The following HTR2C variants were observed in gnomAD, a reference collection of about 807,000 sequenced individuals.
The protein encoded by HTR2C is 5-hydroxytryptamine receptor 2C, also known as 5-hydroxytryptamine (serotonin) receptor 2C, G protein-coupled.
HTR2C carries 5 observed loss-of-function variants against 21.0 expected under a neutral mutation model. That is an observed-to-expected ratio of 0.24 (90% CI 0.12 to 0.50). The LOEUF is 0.50. HTR2C is among the 20% of genes least tolerant of loss of function. HTR2C has a pLI of 0.98. For missense variants in HTR2C, 271 were observed against 371.2 expected (o/e 0.73, Z 2.22); for synonymous variants, 150 against 145.3 (o/e 1.03, Z -0.23).
intron 1 of HTR2C, among the ~76,000 whole-genome samples, chrX:114,606,676 G>A (rs1928449736): frequency 8.9e-6 from 1 of 111,916 alleles, no homozygotes; most frequent in African/African-American, 3.3e-5. Flanking sequence ...TGTTCCTTGG[G>A]CTGGTCGGTC....
At chrX:114,772,006 G>A (rs2070008800) in intron 4 of HTR2C, among the ~76,000 whole-genome samples, 1 of 112,390 alleles carries the variant, frequency 8.9e-6, no homozygotes, top group Non-Finnish European at 1.9e-5. Context: ...TTACTGTGGT[G>A]AGAGGGGAAT....
chrX:114,754,174 G>A (rs1234935906), intron 4 of HTR2C, among the ~76,000 whole-genome samples: 1 of 93,091 alleles, frequency 1.1e-5, no homozygotes, highest in Non-Finnish European at 2.3e-5. Flanking sequence ...CTGAGGTACT[G>A]GGGTTAGGAC....
chrX:114,668,642 C>T (rs782732297), intron 2 of HTR2C, among the ~76,000 whole-genome samples: 1 of 111,190 alleles, frequency 9.0e-6, no homozygotes, highest in African/African-American at 3.3e-5. Flanking sequence ...ATATATTATC[C>T]TCTTGCATAT....
chrX:114,786,165 G>A (rs2070172407), intron 4 of HTR2C, among the ~76,000 whole-genome samples: 1 of 111,757 alleles, frequency 8.9e-6, no homozygotes, highest in African/African-American at 3.3e-5. Context: ...TTAAAAGTGT[G>A]ACAATACTTA....
In HTR2C at chrX:114,909,142, A is replaced by G. The variant is rs41311743; in HGVS notation, c.*1727A>G. 477 of 112,845 alleles carry G rather than the reference A, an allele frequency of 4.2e-3. 2 individuals carry two copies. Among genetic ancestry groups the G allele is most frequent in the Middle Eastern group, 0.023 (5 of 217 alleles). The allele number at this position is 112,845 out of a possible 1,213,427, so 9.3% of individuals were successfully genotyped here. On this transcript the variant is annotated 3_prime_UTR_variant, in exon 6 of 6. Transcript: ENST00000276198. ...CTCATACAGTCTCTATTTGATTTGC[A>G]ACACTGCCAAACATCAGTCAATTGC...
chrX:114,806,234 C>A (rs1390485108), intron 4 of HTR2C, among the ~76,000 whole-genome samples: 1 of 96,060 alleles, frequency 1.0e-5, no homozygotes, highest in Non-Finnish European at 2.1e-5. Flanking sequence ...ATATATATAC[C>A]ATATATATAC....
At chrX:114,818,657 A>G (rs2070605908) in intron 4 of HTR2C, among the ~76,000 whole-genome samples, 1 of 111,405 alleles carries the variant, frequency 9.0e-6, no homozygotes, top group African/African-American at 3.3e-5. Context: ...TCAGCTAACC[A>G]CAGCCCATGG....
chrX:114,607,285 A>G (rs1556397327), intron 1 of HTR2C, among the ~76,000 whole-genome samples: 1 of 112,011 alleles, frequency 8.9e-6, no homozygotes, highest in Non-Finnish European at 1.9e-5. Flanking sequence ...GTTAAAATGA[A>G]ATATCAAACA....
At chrX:114,632,640 T>C (rs945637943) in intron 2 of HTR2C, among the ~76,000 whole-genome samples, 3 of 111,162 alleles carry the variant, frequency 2.7e-5, no homozygotes, top group Non-Finnish European at 5.7e-5. Flanking sequence ...CTTTCAACTA[T>C]AATCTTTATC....
intron 1 of HTR2C, among the ~76,000 whole-genome samples, chrX:114,607,687 A>T (rs1928523443): frequency 9.0e-6 from 1 of 111,336 alleles, no homozygotes; most frequent in Non-Finnish European, 1.9e-5. Context: ...AGGTTTTAGG[A>T]TTATTTTTAA....
chrX:114,840,694 A>T (rs1251155930), intron 4 of HTR2C, among the ~76,000 whole-genome samples: 1 of 111,963 alleles, frequency 8.9e-6, no homozygotes. Context: ...ACCAAGCATC[A>T]TAAGTATAAA....
intron 4 of HTR2C, among the ~76,000 whole-genome samples, chrX:114,816,363 G>A (rs952525191): frequency 1.8e-5 from 2 of 109,135 alleles, no homozygotes; most frequent in South Asian, 7.6e-4. Flanking sequence ...TTGTTTGTTT[G>A]TTTCTTTTTA....
At chrX:114,875,147 G>C (rs782520529) in intron 5 of HTR2C, among the ~76,000 whole-genome samples, 2 of 110,781 alleles carry the variant, frequency 1.8e-5, no homozygotes, top group African/African-American at 6.6e-5. Context: ...AAGAGGTAAG[G>C]GTTTCTCTGG....
At chrX:114,744,452 C>T (rs1556425762) in intron 4 of HTR2C, among the ~76,000 whole-genome samples, 3 of 102,163 alleles carry the variant, frequency 2.9e-5, no homozygotes, top group Non-Finnish European at 5.8e-5. Flanking sequence ...TTCCAAAGCT[C>T]ATTCTTTTTT....
chrX:114,890,053 A>G (rs1417487942), intron 5 of HTR2C, among the ~76,000 whole-genome samples: 2 of 111,842 alleles, frequency 1.8e-5, no homozygotes, highest in South Asian at 3.7e-4. Flanking sequence ...TTACTCTAAC[A>G]TTTTCACAGA....
At chrX:114,804,630 G>C (rs781883431) in intron 4 of HTR2C, among the ~76,000 whole-genome samples, 14 of 111,879 alleles carry the variant, frequency 1.3e-4, no homozygotes, top group Non-Finnish European at 2.6e-4. Context: ...GAAGACTGTA[G>C]AATGCTGAAC....
intron 4 of HTR2C, among the ~76,000 whole-genome samples, chrX:114,838,546 CT>C (rs782402564): frequency 8.9e-6 from 1 of 111,947 alleles, no homozygotes; most frequent in Admixed American, 9.5e-5. Flanking sequence ...CAGTCTTTGC[CT>C]TTTTTTATTA....
chrX:114,595,997 C>T (rs1927828277), intron 1 of HTR2C, among the ~76,000 whole-genome samples: 1 of 111,404 alleles, frequency 9.0e-6, no homozygotes, highest in Non-Finnish European at 1.9e-5. Context: ...AGCCCTATCC[C>T]TTTCACATTT....
At chrX:114,596,659 G>A (rs1452257875) in intron 1 of HTR2C, among the ~76,000 whole-genome samples, 1 of 111,761 alleles carries the variant, frequency 8.9e-6, no homozygotes, top group Admixed American at 9.5e-5. Context: ...AGAAGAAAAA[G>A]AAAAGTTATT....
Sources: gnomAD v4.1 joint callset for allele counts (sites outside exome capture counted in the v4.1 genomes callset) on GRCh38, gnomAD v4.1.1 for gene constraint, MANE v1.5 for transcripts, NCBI Gene and HGNC (gene_info 2026-07-23, HGNC 2026-07-21) for gene names.